Variants in CCDC91 observed in about 807,000 individuals in gnomAD.
CCDC91 encodes the protein coiled-coil domain-containing protein 91.
A neutral mutation model predicts 63.2 loss-of-function variants in CCDC91; 48 were observed. The observed-to-expected ratio is 0.76, with a 90% CI of 0.60 to 0.97. The LOEUF is 0.97. Among genes scored for constraint, CCDC91 ranks in the 50% least tolerant of loss-of-function variants. The pLI is 0.00. For synonymous variants in CCDC91, 167 were observed against 165.8 expected, an observed-to-expected ratio of 1.01 and a Z score of -0.06; for missense variants, 500 against 494.6, an observed-to-expected ratio of 1.01 and a Z score of -0.10.
chr12:28,363,769 C>T (rs1326378138), intron 7 of CCDC91, among the ~76,000 whole-genome samples: 5 of 146,016 alleles, frequency 3.4e-5, no homozygotes, highest in Non-Finnish European at 6.0e-5. Context: ...CCCAGCTATT[C>T]GGGAGGCTGA....
At chr12:28,492,672 G>C (rs1477067552) in intron 12 of CCDC91, among the ~76,000 whole-genome samples, 1 of 151,562 alleles carries the variant, frequency 6.6e-6, no homozygotes, top group African/African-American at 2.4e-5. Context: ...GAACAGCTAA[G>C]AGAACTAGAA....
At chr12:28,268,621 T>TC in intron 3 of CCDC91, 1 of 982,088 alleles carries the variant, frequency 1.0e-6, no homozygotes, top group Non-Finnish European at 1.2e-6. Context: ...GAATGAGGGC[T>TC]CCATTATTTT....
chr12:28,379,469 AC>A (rs1945153159), intron 7 of CCDC91, among the ~76,000 whole-genome samples: 1 of 150,900 alleles, frequency 6.6e-6, no homozygotes, highest in Non-Finnish European at 1.5e-5. Flanking sequence ...AAAAAAAAAA[AC>A]CATAACCCCA....
intron 3 of CCDC91, among the ~76,000 whole-genome samples, chr12:28,269,961 G>A (rs1565705789): frequency 6.6e-6 from 1 of 151,916 alleles, no homozygotes. Flanking sequence ...ATATTGGCTT[G>A]CAGCTAGTAT....
chr12:28,259,284 A>G, intron 2 of CCDC91, 80 bp from the exon 3 acceptor site: 2 of 998,758 alleles, frequency 2.0e-6, no homozygotes, highest in East Asian at 2.4e-5. Flanking sequence ...AGATATGCCT[A>G]TTGAACTGGA....
chr12:28,278,874 A>C (rs762501055), intron 3 of CCDC91, among the ~76,000 whole-genome samples: 23 of 152,090 alleles, frequency 1.5e-4, no homozygotes, highest in Admixed American at 5.9e-4. Flanking sequence ...TAAAATGGTA[A>C]TAATATATAC....
rs541919928 is a variant in CCDC91 at position 28,355,331 on chromosome 12, A to G, written c.577-7107A>G. Among the ~76,000 whole-genome samples, 5 of 152,248 alleles carry G rather than the reference A, an allele frequency of 3.3e-5. No homozygotes were observed. The South Asian group carries it at 1.0e-3, about 32-fold the overall frequency. On this transcript the variant is annotated intron_variant, in intron 6 of 12. Coordinates refer to ENST00000536442, the MANE Select transcript of CCDC91 (RefSeq NM_018318.5). ...CAGAGCCAATCCAATCAACAAATTA[A>G]CCAGGATCTCAGCTGGGGTTTTGCA... is the stretch of plus-strand genomic sequence containing the variant.
In CCDC91 at chr12:28,524,259, T is replaced by C. The variant is rs1356952341; in HGVS notation, c.1216-24804T>C. ...GTTCAGTATTATGTTGGCTGTGGGTTTGTCATAAATGGTTTTTATTACCTT... is the reference window on the plus strand; with the variant it reads ...GTTCAGTATTATGTTGGCTGTGGGTCTGTCATAAATGGTTTTTATTACCTT... On this transcript the variant is annotated intron_variant, in intron 12 of 12. Transcript: ENST00000536442. 2.0e-5 allele frequency among the ~76,000 whole-genome samples: 3 copies of C among 152,182 alleles called. No individual in the cohort carries two copies. The East Asian group carries it at 5.8e-4, about 29-fold the overall frequency.
At chr12:28,460,912 A>G (rs566961212) in intron 11 of CCDC91, among the ~76,000 whole-genome samples, 16 of 152,058 alleles carry the variant, frequency 1.1e-4, no homozygotes, top group African/African-American at 3.6e-4. Flanking sequence ...CCATGGGGAT[A>G]CATTCTGAGA....
chr12:28,286,537 G>A (rs937975014), intron 3 of CCDC91, among the ~76,000 whole-genome samples: 1 of 152,162 alleles, frequency 6.6e-6, no homozygotes, highest in African/African-American at 2.4e-5. Context: ...CAAAGGACAT[G>A]ATCTCATTCC....
At chr12:28,521,925 A>C (rs1196888114) in intron 12 of CCDC91, among the ~76,000 whole-genome samples, 1 of 152,154 alleles carries the variant, frequency 6.6e-6, no homozygotes. Flanking sequence ...GATGAAGCCA[A>C]CTTGATCATG....
chr12:28,503,277 C>T (rs1239244155), intron 12 of CCDC91, among the ~76,000 whole-genome samples: 4 of 152,030 alleles, frequency 2.6e-5, no homozygotes, highest in Non-Finnish European at 4.4e-5. Flanking sequence ...GGGCGAAGGA[C>T]ATGAACAGTC....
At chr12:28,348,141 A>G (rs1246319633) in intron 6 of CCDC91, among the ~76,000 whole-genome samples, 1 of 152,176 alleles carries the variant, frequency 6.6e-6, no homozygotes, top group Non-Finnish European at 1.5e-5. Flanking sequence ...CAACTATCCA[A>G]ATTCATACAG....
At chr12:28,473,339 G>A (rs10843184) in intron 11 of CCDC91, among the ~76,000 whole-genome samples, 31,727 of 152,028 alleles carry the variant, frequency 0.21, 4,338 homozygotes, top group Non-Finnish European at 0.31. Flanking sequence ...GGCCTAGTCA[G>A]CACAAACAAA....
intron 8 of CCDC91, among the ~76,000 whole-genome samples, chr12:28,394,282 G>C (rs543541952): frequency 2.7e-4 from 41 of 152,098 alleles, no homozygotes; most frequent in East Asian, 1.4e-3. Context: ...CTGGCTAACA[G>C]GGTGAAACCC....
chr12:28,478,309 ATATCTACAACCATC>A (rs1054143741), intron 11 of CCDC91, among the ~76,000 whole-genome samples: 4 of 152,152 alleles, frequency 2.6e-5, no homozygotes, highest in African/African-American at 9.7e-5. Flanking sequence ...ATAATGCCGC[ATATCTACAACCATC>A]TGATCTTTGA....
intron 8 of CCDC91, among the ~76,000 whole-genome samples, chr12:28,430,598 T>C (rs1948575741): frequency 6.6e-6 from 1 of 152,180 alleles, no homozygotes; most frequent in African/African-American, 2.4e-5. Context: ...TAGCATTCAC[T>C]ATTTAAAGGA....
At chr12:28,501,941 G>A (rs1937941598) in intron 12 of CCDC91, among the ~76,000 whole-genome samples, 1 of 151,886 alleles carries the variant, frequency 6.6e-6, no homozygotes, top group African/African-American at 2.4e-5. Flanking sequence ...TTGGGAGGGT[G>A]TATGTGTCGA....
chr12:28,202,339 A>C (rs1942520630), intron 1 of CCDC91, among the ~76,000 whole-genome samples: 1 of 152,148 alleles, frequency 6.6e-6, no homozygotes, highest in South Asian at 2.1e-4. Context: ...ATGTCTCACA[A>C]TTTTTTGTTG....
Sources: gnomAD v4.1 joint callset for allele counts (sites outside exome capture counted in the v4.1 genomes callset) on GRCh38, gnomAD v4.1.1 for gene constraint, MANE v1.5 for transcripts, NCBI Gene and HGNC (gene_info 2026-07-23, HGNC 2026-07-21) for gene names.